Variants in ITPR2 observed in about 807,000 individuals in gnomAD.
ITPR2 encodes the protein inositol 1,4,5-trisphosphate receptor type 2.
ITPR2 carries 207 observed loss-of-function variants against 317.1 expected under a neutral mutation model. The observed-to-expected ratio is 0.65, with a 90% CI of 0.58 to 0.73. The LOEUF is 0.73. Among genes scored for constraint, ITPR2 ranks in the 30% least tolerant of loss-of-function variants. The pLI, the probability that ITPR2 is intolerant of heterozygous loss-of-function variation, is 0.00. For synonymous variants in ITPR2, 1,156 were observed against 1,149.1 expected (o/e 1.01, Z -0.12); for missense variants, 2,613 against 3,284.0 (o/e 0.80, Z 4.99).
chr12:26,357,398 G>A (rs1002263332), intron 55 of ITPR2, among the ~76,000 whole-genome samples: 1 of 152,160 alleles, frequency 6.6e-6, no homozygotes, highest in Admixed American at 6.5e-5. Flanking sequence ...AGGGTGATCT[G>A]CCCTGGCTCC....
chr12:26,719,888 C>G (rs1388337711), intron 5 of ITPR2, among the ~76,000 whole-genome samples: 1 of 152,016 alleles, frequency 6.6e-6, no homozygotes, highest in Non-Finnish European at 1.5e-5. Context: ...CCTTTATTCC[C>G]TTTTAAAATC....
At chr12:26,412,450 T>C (rs1940580188) in intron 51 of ITPR2, among the ~76,000 whole-genome samples, 1 of 151,536 alleles carries the variant, frequency 6.6e-6, no homozygotes, top group African/African-American at 2.4e-5. Context: ...GTGTGGGGGG[T>C]CAGAAAGTGA....
intron 39 of ITPR2, among the ~76,000 whole-genome samples, chr12:26,489,601 A>G (rs1942751955): frequency 6.6e-6 from 1 of 152,220 alleles, no homozygotes; most frequent in Non-Finnish European, 1.5e-5. Flanking sequence ...TAATACATAC[A>G]AATCACAAAG....
At chr12:26,780,789 T>C (rs558615456) in intron 2 of ITPR2, among the ~76,000 whole-genome samples, 1 of 152,198 alleles carries the variant, frequency 6.6e-6, no homozygotes, top group South Asian at 2.1e-4. Context: ...CTAACAAAAT[T>C]TTTGCTTTCA....
chr12:26,724,857 G>A (rs1948894263), intron 3 of ITPR2, 115 bp from the exon 4 acceptor site: 2 of 627,036 alleles, frequency 3.2e-6, no homozygotes, highest in African/African-American at 3.7e-5. Flanking sequence ...TAGGCTAGTA[G>A]TAGAGTCAGG....
chr12:26,516,285 G>A (rs201022986), intron 37 of ITPR2, among the ~76,000 whole-genome samples: 21,240 of 42,642 alleles, frequency 0.5, 6,444 homozygotes, highest in Non-Finnish European at 0.57. Context: ...GGGAAGGGAA[G>A]GGAAAGGAAA....
At chr12:26,743,689 T>C (rs1326946489) in intron 2 of ITPR2, among the ~76,000 whole-genome samples, 1 of 152,004 alleles carries the variant, frequency 6.6e-6, no homozygotes, top group Non-Finnish European at 1.5e-5. Flanking sequence ...GGTCAGGAGT[T>C]CAAAACCAGC....
chr12:26,727,413 T>C (rs1183809305), intron 2 of ITPR2, among the ~76,000 whole-genome samples: 1 of 152,228 alleles, frequency 6.6e-6, no homozygotes, highest in Non-Finnish European at 1.5e-5. Flanking sequence ...CTGACTTTCT[T>C]CATGTATAAA....
chr12:26,578,169 T>C (rs1412186854), intron 34 of ITPR2, among the ~76,000 whole-genome samples: 1 of 150,624 alleles, frequency 6.6e-6, no homozygotes, highest in African/African-American at 2.4e-5. Flanking sequence ...ATTAACTTAT[T>C]AACTTTCTCT....
At chr12:26,342,565 G>C (rs1938164044) in intron 55 of ITPR2, among the ~76,000 whole-genome samples, 2 of 146,350 alleles carry the variant, frequency 1.4e-5, no homozygotes, top group South Asian at 4.4e-4. Context: ...ACAGTAGTAA[G>C]TGAGCTATCA....
intron 1 of ITPR2, among the ~76,000 whole-genome samples, chr12:26,829,946 C>T (rs901015255): frequency 2.6e-5 from 4 of 152,224 alleles, no homozygotes; most frequent in Non-Finnish European, 5.9e-5. Context: ...CTCTGTCCCC[C>T]AGGCTGGAGT....
chr12:26,493,293 G>A (rs1942853179), intron 39 of ITPR2, among the ~76,000 whole-genome samples: 1 of 152,168 alleles, frequency 6.6e-6, no homozygotes, highest in Non-Finnish European at 1.5e-5. Context: ...GTATTTGATG[G>A]TTAAATGAAG....
chr12:26,471,669 A>G (rs1942294165), intron 45 of ITPR2, among the ~76,000 whole-genome samples: 1 of 152,226 alleles, frequency 6.6e-6, no homozygotes, highest in African/African-American at 2.4e-5. Context: ...AACAACAACA[A>G]AAATTGAAAG....
chr12:26,556,918 A>C (rs1944679451), intron 35 of ITPR2, among the ~76,000 whole-genome samples: 2 of 152,088 alleles, frequency 1.3e-5, no homozygotes, highest in Non-Finnish European at 2.9e-5. Context: ...GTCTCTACTA[A>C]AAATACAAAA....
At chr12:26,829,337 A>C (rs1452468192) in intron 1 of ITPR2, among the ~76,000 whole-genome samples, 1 of 151,220 alleles carries the variant, frequency 6.6e-6, no homozygotes, top group East Asian at 1.9e-4. Context: ...ATTTCATAGC[A>C]CCTTTTTTTT....
chr12:26,485,319 T>G (rs990858104), intron 41 of ITPR2, among the ~76,000 whole-genome samples: 8 of 152,220 alleles, frequency 5.3e-5, no homozygotes, highest in Non-Finnish European at 8.8e-5. Flanking sequence ...AAGTAGTATT[T>G]TCTATACTGA....
chr12:26,650,190 G>A (rs1947215155), intron 21 of ITPR2, among the ~76,000 whole-genome samples: 1 of 152,068 alleles, frequency 6.6e-6, no homozygotes, highest in South Asian at 2.1e-4. Context: ...GGTGGAGAGA[G>A]CAAACAAGGT....
intron 23 of ITPR2, among the ~76,000 whole-genome samples, chr12:26,626,347 T>C (rs1946625094): frequency 6.6e-6 from 1 of 152,118 alleles, no homozygotes; most frequent in South Asian, 2.1e-4. Context: ...GATATAAAAG[T>C]GGAAAAATAA....
Position 26,494,189 on chromosome 12 carries a change from G to T in ITPR2, c.5334C>A (p.Gly1778=), listed in dbSNP as rs1466686618. ...TATTTCCTCCTTCAAGCAAGGCAATGCCGAGGAAAATGCCTTCTGAAAAAA... is the reference window on the plus strand; with the variant it reads ...TATTTCCTCCTTCAAGCAAGGCAATTCCGAGGAAAATGCCTTCTGAAAAAA... ...DRIFSEGIFL[G]IALLEGGNTQ... Residue 1778 remains glycine, a synonymous_variant, in exon 39 of 57, where the codon GGC becomes GGA. Transcript: ENST00000381340. The T allele has an allele frequency of 6.2e-7, 1 of 1,613,256 alleles. No individual in the cohort carries two copies. The highest frequency in any genetic ancestry group is 8.5e-7 in the Non-Finnish European group (1 of 1,179,610).
Sources: gnomAD v4.1 joint callset for allele counts (sites outside exome capture counted in the v4.1 genomes callset) on GRCh38, gnomAD v4.1.1 for gene constraint, MANE v1.5 for transcripts, NCBI Gene and HGNC (gene_info 2026-07-23, HGNC 2026-07-21) for gene names.